The following PTPRN2 variants were observed in gnomAD, a reference collection of about 807,000 sequenced individuals.
PTPRN2 encodes protein tyrosine phosphatase receptor type N2.
Under a neutral mutation model 118.8 loss-of-function variants are expected in PTPRN2, and 74 were observed. The observed-to-expected ratio is 0.62, with a 90% CI of 0.52 to 0.76. The LOEUF is 0.76. Ranked by LOEUF, PTPRN2 falls within the 30% of genes least tolerant of loss-of-function variation. The probability of loss-of-function intolerance (pLI) is 0.00; values close to 1 mark genes in which losing one functional copy is unlikely to be tolerated. For missense variants in PTPRN2, 1,481 were observed against 1,394.4 expected (o/e 1.06, Z -0.99); for synonymous variants, 641 against 608.0 (o/e 1.05, Z -0.80).
At chr7:157,727,308 G>A (rs1206358715) in intron 12 of PTPRN2, among the ~76,000 whole-genome samples, 1 of 152,236 alleles carries the variant, frequency 6.6e-6, no homozygotes, top group Non-Finnish European at 1.5e-5. Flanking sequence ...AGAGGAGGGG[G>A]TGCAGACATA....
intron 10 of PTPRN2, among the ~76,000 whole-genome samples, chr7:158,084,897 C>T (rs866364247): frequency 1.5e-3 from 219 of 141,364 alleles, no homozygotes; most frequent in Non-Finnish European, 2.7e-3. Flanking sequence ...TCCACATCCT[C>T]GATGCCCATC....
At chr7:158,444,935 G>A (rs566844277) in intron 2 of PTPRN2, among the ~76,000 whole-genome samples, 5 of 152,164 alleles carry the variant, frequency 3.3e-5, no homozygotes, top group South Asian at 2.1e-4. Context: ...TCTTGAAAAC[G>A]CGGCCGCACC....
intron 3 of PTPRN2, among the ~76,000 whole-genome samples, chr7:158,241,478 C>T (rs142931339): frequency 0.011 from 1,701 of 152,236 alleles, 36 homozygotes; most frequent in African/African-American, 0.038. Context: ...CACACCACTG[C>T]ATTCCAGCCT....
At chr7:157,989,288 G>A (rs558337005) in intron 11 of PTPRN2, among the ~76,000 whole-genome samples, 5 of 152,230 alleles carry the variant, frequency 3.3e-5, no homozygotes, top group Middle Eastern at 3.4e-3. Context: ...GCGTGGTGGC[G>A]CATGCCTGCA....
intron 11 of PTPRN2, among the ~76,000 whole-genome samples, chr7:157,997,402 G>T (rs1260815992): frequency 6.6e-6 from 1 of 152,378 alleles, no homozygotes; most frequent in South Asian, 2.1e-4. Context: ...TTGACTTCAG[G>T]ACAGGGGGCT....
intron 9 of PTPRN2, among the ~76,000 whole-genome samples, chr7:158,121,950 A>G (rs572374595): frequency 1.3e-5 from 2 of 152,196 alleles, no homozygotes; most frequent in Admixed American, 1.3e-4. Flanking sequence ...TCACGCAGCC[A>G]TTCCTATTTC....
At chr7:157,565,004 G>A (rs1335401210) in intron 21 of PTPRN2, among the ~76,000 whole-genome samples, 1 of 152,244 alleles carries the variant, frequency 6.6e-6, no homozygotes, top group Non-Finnish European at 1.5e-5. Flanking sequence ...CACACACCAC[G>A]ACACAGGCCA....
chr7:158,315,148 C>G (rs67394537), intron 3 of PTPRN2, among the ~76,000 whole-genome samples: 2 of 47,964 alleles, frequency 4.2e-5, no homozygotes, highest in Non-Finnish European at 9.1e-5. Context: ...AACCCGGGAC[C>G]CCCTGAAGGA....
intron 3 of PTPRN2, among the ~76,000 whole-genome samples, chr7:158,295,560 A>G (rs113790282): frequency 2.5e-5 from 1 of 39,920 alleles, no homozygotes; most frequent in Non-Finnish European, 4.8e-5. Flanking sequence ...AAGCCCATGG[A>G]GCTCGCTGAC....
chr7:158,377,400 G>A (rs922656037), intron 2 of PTPRN2, among the ~76,000 whole-genome samples: 10 of 152,206 alleles, frequency 6.6e-5, no homozygotes, highest in East Asian at 3.8e-4. Context: ...AAAATGTATC[G>A]GTCTTCACCA....
chr7:158,387,580 T>TGAAGCACTCTCTGGGTCCTGGGGGGAC (rs1272056517), intron 2 of PTPRN2, among the ~76,000 whole-genome samples: 17 of 6,966 alleles, frequency 2.4e-3, no homozygotes, highest in South Asian at 0.014. Flanking sequence ...TCAGCTCAGC[T>TGAAGCACTCTCTGGGTCCTGGGGGGAC]TGGCCCGGCC....
intron 21 of PTPRN2, among the ~76,000 whole-genome samples, chr7:157,568,029 G>A (rs1325063759): frequency 6.6e-6 from 1 of 152,194 alleles, no homozygotes; most frequent in Non-Finnish European, 1.5e-5. Flanking sequence ...GATGACCTTA[G>A]AGGTTGGGTA....
chr7:157,954,514 TGTGTGGTGC>T (rs1801059515), intron 11 of PTPRN2, among the ~76,000 whole-genome samples: 1 of 118,234 alleles, frequency 8.5e-6, no homozygotes, highest in Admixed American at 8.9e-5. Context: ...GTGGTGTGTG[TGTGTGGTGC>T]ACGTGTGCTG....
At chr7:157,805,314 T>C (rs1805562190) in intron 12 of PTPRN2, among the ~76,000 whole-genome samples, 1 of 149,042 alleles carries the variant, frequency 6.7e-6, no homozygotes, top group South Asian at 2.1e-4. Flanking sequence ...TGTGTGTGTG[T>C]GTGCGTGTGC....
At position 157,794,866 on chromosome 7, in the gene PTPRN2, G is replaced by A. The variant is rs1804763868; in HGVS notation, c.1788+103807C>T. ...ATCACAAAATACTTCATATCTGCCT[G>A]CACTCATTGTCATGCTAAAGCACAT... On this transcript the variant is annotated intron_variant, in intron 12 of 22. Transcript: ENST00000389418. The surrounding 1 kb of genome is among the most constrained non-coding windows in gnomAD (Gnocchi z 5.2). 6.6e-6 allele frequency among the ~76,000 whole-genome samples: 1 copy of A among 152,234 alleles called. No homozygotes were observed. Among genetic ancestry groups the A allele is most frequent in the African/African-American group, 2.4e-5 (1 of 41,452 alleles).
chr7:158,546,852 T>C lies in PTPRN2; in HGVS notation c.112+40706A>G, dbSNP rs1019416878. On this transcript the variant is annotated intron_variant, in intron 1 of 22. Coordinates refer to ENST00000389418, the MANE Select transcript of PTPRN2 (RefSeq NM_002847.5). This position sits in a 1 kb window ranked among gnomAD's most constrained non-coding sequence, Gnocchi z 5.0. The stretch of plus-strand genomic sequence containing the variant: ...CATGGGCACTCCAGAGGGGCTCAGC[T>C]TATGGTTAACGCTGGGGCTGCCTTC... Among the ~76,000 whole-genome samples, 1 of 152,174 alleles carries C rather than the reference T, an allele frequency of 6.6e-6. No homozygotes were observed. The highest frequency in any genetic ancestry group is 1.5e-5 in the Non-Finnish European group (1 of 68,020).
intron 12 of PTPRN2, among the ~76,000 whole-genome samples, chr7:157,811,421 T>C (rs1160522947): frequency 6.6e-6 from 1 of 150,922 alleles, no homozygotes; most frequent in East Asian, 1.9e-4. Context: ...GTGAAGTAGA[T>C]GCGTCTCCTC....
intron 2 of PTPRN2, among the ~76,000 whole-genome samples, chr7:158,342,807 C>T (rs1807153875): frequency 2.0e-5 from 3 of 152,056 alleles, no homozygotes; most frequent in South Asian, 2.1e-4. Flanking sequence ...GAGGGAGGTA[C>T]GGAAACAGGA....
chr7:158,510,986 G>T (rs944129000), intron 1 of PTPRN2, among the ~76,000 whole-genome samples: 84 of 152,242 alleles, frequency 5.5e-4, no homozygotes, highest in African/African-American at 2.0e-3. Context: ...GTCACATGGG[G>T]TTGGCAAAGA....
Sources: gnomAD v4.1 joint callset for allele counts (sites outside exome capture counted in the v4.1 genomes callset) on GRCh38, gnomAD v4.1.1 for gene constraint, Gnocchi (gnomAD v3.1) non-coding constraint, MANE v1.5 for transcripts, NCBI Gene and HGNC (gene_info 2026-07-23, HGNC 2026-07-21) for gene names.